FLT3: variants seen among roughly 807,000 people sequenced by gnomAD.
FLT3 encodes the protein fms related receptor tyrosine kinase 3, also known as receptor-type tyrosine-protein kinase FLT3.
Under a neutral mutation model 126.6 loss-of-function variants are expected in FLT3, and 46 were observed. That is an observed-to-expected ratio of 0.36 (90% CI 0.29 to 0.46). The LOEUF is 0.46. Among genes scored for constraint, FLT3 ranks in the 20% least tolerant of loss-of-function variants. FLT3 has a pLI of 1.00. For missense variants in FLT3, 1,069 were observed against 1,190.3 expected, an observed-to-expected ratio of 0.90 and a Z score of 1.50; for synonymous variants, 404 against 434.4, an observed-to-expected ratio of 0.93 and a Z score of 0.87.
At chr13:28,008,123 T>C (rs560247960) in intron 23 of FLT3, among the ~76,000 whole-genome samples, 1 of 152,020 alleles carries the variant, frequency 6.6e-6, no homozygotes, top group East Asian at 1.9e-4. Flanking sequence ...GGCAGGAGGA[T>C]TGCTTGAGGC....
intron 1 of FLT3, among the ~76,000 whole-genome samples, chr13:28,097,500 T>C (rs1025179183): frequency 6.6e-6 from 1 of 152,246 alleles, no homozygotes; most frequent in Non-Finnish European, 1.5e-5. Flanking sequence ...TTCTTAGTTA[T>C]AAAAAGTTAA....
intron 15 of FLT3, among the ~76,000 whole-genome samples, chr13:28,032,927 T>C (rs927708666): frequency 6.6e-6 from 1 of 152,176 alleles, no homozygotes; most frequent in African/African-American, 2.4e-5. Flanking sequence ...GGAGATGCTT[T>C]TGCTGGGTCA....
chr13:28,044,145 C>CAA (rs1053721716), intron 9 of FLT3, among the ~76,000 whole-genome samples: 3 of 139,724 alleles, frequency 2.1e-5, no homozygotes, highest in Non-Finnish European at 4.7e-5. Flanking sequence ...GACTCCGTCT[C>CAA]AAAAAAAAAA....
chr13:28,059,356 G>A (rs1408549198), intron 3 of FLT3, among the ~76,000 whole-genome samples: 2 of 152,104 alleles, frequency 1.3e-5, no homozygotes, highest in South Asian at 2.1e-4. Context: ...GAAAGGCTGC[G>A]TTAAGAGGGC....
chr13:28,032,781 G>C (rs888642303), intron 15 of FLT3, among the ~76,000 whole-genome samples: 2 of 152,214 alleles, frequency 1.3e-5, no homozygotes, highest in African/African-American at 4.8e-5. Context: ...AAAACCCAAA[G>C]AAAGAAAGCT....
In FLT3 at chr13:28,091,283, G is replaced by A. The variant is rs796889325; in HGVS notation, c.43+9185C>T. On this transcript the variant is annotated intron_variant, in intron 1 of 23. Coordinates refer to ENST00000241453, the MANE Select transcript of FLT3 (RefSeq NM_004119.3). ...GTCGCCCAGGCTGGAGTGCAGTGGC[G>A]CGATCTCGGCTCACTGCAAGCTCCG... Among the ~76,000 whole-genome samples the A allele has an allele frequency of 2.4e-3, 302 of 126,682 alleles. 1 individual carries two copies. Among genetic ancestry groups the A allele is most frequent in the South Asian group, 0.018 (65 of 3,602 alleles). 83.1% of individuals were successfully genotyped at this position (126,682 alleles called of 152,430 possible).
intron 6 of FLT3, 151 bp from the exon 7 acceptor site, chr13:28,049,925 T>C: frequency 8.9e-7 from 1 of 1,120,400 alleles, no homozygotes. Flanking sequence ...CTGACTCCTC[T>C]TTTATGAAGA....
chr13:28,017,516 A>G (rs1871967698), intron 20 of FLT3, among the ~76,000 whole-genome samples: 1 of 152,142 alleles, frequency 6.6e-6, no homozygotes, highest in Non-Finnish European at 1.5e-5. Context: ...GTGAGCCACC[A>G]GCACCCAGCC....
chr13:28,032,842 T>A (rs1234670731), intron 15 of FLT3, among the ~76,000 whole-genome samples: 2 of 152,146 alleles, frequency 1.3e-5, no homozygotes, highest in African/African-American at 2.4e-5. Flanking sequence ...AACAATCAAG[T>A]AATGAGGACT....
intron 20 of FLT3, among the ~76,000 whole-genome samples, chr13:28,016,176 T>C (rs1871838318): frequency 6.6e-6 from 1 of 152,086 alleles, no homozygotes; most frequent in South Asian, 2.1e-4. Context: ...TAATTTCCAC[T>C]AGCATGAAAG....
chr13:28,049,530 T>C lies in FLT3; in HGVS notation c.890A>G (p.Tyr297Cys). ...LENKALEEGN[Y>C]FEMSTYSTNR... ...TGTTGAATAGGTACTCATCTCAAAG[T>C]AGTTGCCCTAGGTTTTAATAAAACA... The change falls in exon 8 of 24, where the codon TAC becomes TGC. Residue 297 changes from tyrosine (Y) to cysteine (C), a missense_variant. Transcript: ENST00000241453. 6.2e-7 allele frequency: 1 copy of C among 1,613,494 alleles called. No homozygotes were observed. Among genetic ancestry groups the C allele is most frequent in the African/African-American group, 1.3e-5 (1 of 75,044 alleles).
intron 1 of FLT3, among the ~76,000 whole-genome samples, chr13:28,098,314 C>CAAAAAAAAAACAAAAAAAAAAAAAAAAAA (rs1879602087): frequency 1.2e-5 from 1 of 85,294 alleles, no homozygotes; most frequent in African/African-American, 3.9e-5. Flanking sequence ...GACTCCGTCT[C>CAAAAAAAAAACAAAAAAAAAAAAAAAAAA]AAAAAAAAAA....
At chr13:28,086,563 C>T (rs532265826) in intron 1 of FLT3, among the ~76,000 whole-genome samples, 3 of 150,892 alleles carry the variant, frequency 2.0e-5, no homozygotes, top group South Asian at 4.2e-4. Flanking sequence ...TTTTGTATTC[C>T]TTTGTGTAAA....
intron 2 of FLT3, among the ~76,000 whole-genome samples, chr13:28,065,645 GTAATAATAATAATAA>G (rs35748326): frequency 1.8e-4 from 19 of 108,314 alleles, no homozygotes; most frequent in African/African-American, 5.8e-4. Context: ...TTGTCTCAAA[GTAATAATAATAATAA>G]TAATAATAAT....
intron 4 of FLT3, among the ~76,000 whole-genome samples, chr13:28,055,776 G>T (rs533317068): frequency 6.6e-6 from 1 of 152,232 alleles, no homozygotes; most frequent in African/African-American, 2.4e-5. Flanking sequence ...TACTTGGCAA[G>T]AAAATTTTAA....
At chr13:28,019,778 C>T (rs931038392) in intron 19 of FLT3, among the ~76,000 whole-genome samples, 5 of 152,152 alleles carry the variant, frequency 3.3e-5, no homozygotes, top group African/African-American at 4.8e-5. Context: ...CAGCCCCTCC[C>T]GCTTCTGGTC....
intron 9 of FLT3, among the ~76,000 whole-genome samples, chr13:28,038,558 C>A (rs888473682): frequency 3.3e-5 from 5 of 151,596 alleles, no homozygotes; most frequent in African/African-American, 1.2e-4. Context: ...GTTCCCACCA[C>A]TCTCCTGCCT....
At chr13:28,020,445 T>C (rs1252002289) in intron 19 of FLT3, among the ~76,000 whole-genome samples, 1 of 152,178 alleles carries the variant, frequency 6.6e-6, no homozygotes, top group Non-Finnish European at 1.5e-5. Flanking sequence ...GCCTCCCAAT[T>C]CAAGCGATTC....
chr13:28,071,519 T>G (rs1877516802), intron 1 of FLT3, among the ~76,000 whole-genome samples: 1 of 152,160 alleles, frequency 6.6e-6, no homozygotes, highest in Admixed American at 6.6e-5. Context: ...CTCTTTACTT[T>G]CTGTTTGCCC....
Sources: gnomAD v4.1 joint callset for allele counts (sites outside exome capture counted in the v4.1 genomes callset) on GRCh38, gnomAD v4.1.1 for gene constraint, MANE v1.5 for transcripts, NCBI Gene and HGNC (gene_info 2026-07-23, HGNC 2026-07-21) for gene names.